Variants in ARHGEF33 observed in about 807,000 individuals in gnomAD.
ARHGEF33 encodes DH and coiled-coil domain-containing protein ENSP00000381780.
A neutral mutation model predicts 101.9 loss-of-function variants in ARHGEF33; 72 were observed. The ratio of observed to expected loss-of-function variants is 0.71; its 90% CI spans 0.58 to 0.86. ARHGEF33 has a LOEUF of 0.86. Ranked by LOEUF, ARHGEF33 falls within the 40% of genes least tolerant of loss-of-function variation. The pLI is 0.00. For missense variants in ARHGEF33, 1,169 were observed against 1,111.3 expected (o/e 1.05, Z -0.74); for synonymous variants, 499 against 442.5 (o/e 1.13, Z -1.60).
At chr2:38,971,346 T>C (rs1668160988) in intron 17 of ARHGEF33, among the ~76,000 whole-genome samples, 1 of 152,242 alleles carries the variant, frequency 6.6e-6, no homozygotes, top group Admixed American at 6.5e-5. Context: ...TGTGTCAGTA[T>C]GTCCTGGCAG....
chr2:38,920,568 C>T (rs1044055716), intron 3 of ARHGEF33, among the ~76,000 whole-genome samples: 6 of 151,874 alleles, frequency 4.0e-5, no homozygotes, highest in African/African-American at 1.5e-4. Context: ...CCACCACAGC[C>T]AGCTAATTTT....
intron 11 of ARHGEF33, among the ~76,000 whole-genome samples, chr2:38,951,369 T>C (rs367684576): frequency 6.6e-5 from 10 of 152,232 alleles, no homozygotes; most frequent in African/African-American, 2.4e-4. Context: ...TTAGGTCTTC[T>C]GACTTCTAGT....
chr2:38,890,640 T>C (rs1013532787), intron 1 of ARHGEF33, among the ~76,000 whole-genome samples: 8 of 152,220 alleles, frequency 5.3e-5, no homozygotes, highest in Non-Finnish European at 1.2e-4. Flanking sequence ...GTATTGGAAT[T>C]ATGTGAGTTT....
At chr2:38,966,490 T>C (rs936287864) in intron 17 of ARHGEF33, among the ~76,000 whole-genome samples, 1 of 152,122 alleles carries the variant, frequency 6.6e-6, no homozygotes, top group Non-Finnish European at 1.5e-5. Flanking sequence ...GGATCCACTA[T>C]TGGGGTTGGG....
intron 8 of ARHGEF33, among the ~76,000 whole-genome samples, chr2:38,936,092 A>G (rs567595513): frequency 1.3e-5 from 2 of 152,350 alleles, no homozygotes; most frequent in East Asian, 3.9e-4. Flanking sequence ...TCAATGACTA[A>G]TAAATTCACA....
At position 38,960,426 on chromosome 2, in the gene ARHGEF33, C is replaced by G; in HGVS notation, c.2121C>G (p.Arg707=). ...ACGGCAAGGCCAAGCCGCTGAGCCG[C>G]TCTCTCAAAGAGTTCCCGCGTGCGC... The part of the protein sequence containing the change: ...QAHGKAKPLS[R]SLKEFPRAPP... Residue 707 remains arginine, a synonymous_variant, in exon 16 of 18, where the codon CGC becomes CGG. Coordinates refer to ENST00000409978, the MANE Select transcript of ARHGEF33 (RefSeq NM_001145451.5). 2 of 1,515,946 alleles carry G rather than the reference C, an allele frequency of 1.3e-6. No homozygotes were observed. Among genetic ancestry groups the G allele is most frequent in the Admixed American group, 2.0e-5 (1 of 49,266 alleles). 93.9% of individuals were successfully genotyped at this position (1,515,946 alleles called of 1,614,324 possible). A position where few individuals can be genotyped will look rare whatever the true frequency, so the allele number is the denominator to read the frequency against.
At chr2:38,931,399 C>G in intron 7 of ARHGEF33, 148 bp downstream of exon 7, 1 of 712,080 alleles carries the variant, frequency 1.4e-6, no homozygotes, top group East Asian at 2.8e-5. Flanking sequence ...CAGAAGAATC[C>G]AGAGGATCTA....
In ARHGEF33 at chr2:38,965,170, T is replaced by C. The variant is rs1373098321; in HGVS notation, c.2344-836T>C. Among the ~76,000 whole-genome samples, 8 of 152,356 alleles carry C rather than the reference T, an allele frequency of 5.3e-5. 1 individual carries two copies. Among genetic ancestry groups the C allele is most frequent in the African/African-American group, 1.9e-4 (8 of 41,594 alleles). ...TTTGCTTTGACTTCTTGGGGTTCTC[T>C]AAAGGTTATTCAAAATTCAGCAGCT... is the stretch of plus-strand genomic sequence containing the variant. On this transcript the variant is annotated intron_variant, in intron 16 of 17. Transcript: ENST00000409978.
In ARHGEF33 at chr2:38,889,930, T is replaced by C; in HGVS notation, c.-215T>C. ...TTCTTTTTATAACCTTTAAGTTAAT[T>C]CAGAACCCAGATAAGCCTTGATCTG... On this transcript the variant is annotated 5_prime_UTR_variant, in exon 1 of 18. Transcript: ENST00000409978. 4.2e-6 allele frequency: 2 copies of C among 471,028 alleles called. No homozygotes were observed. The highest frequency in any genetic ancestry group is 3.1e-5 in the South Asian group (2 of 64,544). The allele number at this position is 471,028 out of a possible 1,614,324, so 29.2% of individuals were successfully genotyped here. A position where few individuals can be genotyped will look rare whatever the true frequency, so the allele number is the denominator to read the frequency against.
At chr2:38,958,269 AG>A in intron 15 of ARHGEF33, 71 bp downstream of exon 15, 1 of 1,516,714 alleles carries the variant, frequency 6.6e-7, no homozygotes, top group Non-Finnish European at 8.9e-7. Context: ...GCGGGTTAGC[AG>A]GGCAGCCTAG....
rs777189919 is a variant in ARHGEF33 at position 38,960,191 on chromosome 2, A to G, written c.1886A>G (p.Tyr629Cys). 1.3e-6 allele frequency: 2 copies of G among 1,544,148 alleles called. No homozygotes were observed. The highest frequency in any genetic ancestry group is 1.7e-6 in the Non-Finnish European group (2 of 1,144,430). The change falls in exon 16 of 18, where the codon TAC (tyrosine) becomes TGC (cysteine). Residue 629 changes from tyrosine to cysteine, a missense_variant. Physicochemically the swap from Tyr to Cys is radical, Grantham distance 194. Coordinates refer to ENST00000409978, the MANE Select transcript of ARHGEF33 (RefSeq NM_001145451.5). ...GAGATCTTCGCGCTGCCCGCGCCCT[A>G]CGACGAGGAGCCGTTCCAGGCTCCG... ...GGEIFALPAP[Y>C]DEEPFQAPAL...
intron 15 of ARHGEF33, chr2:38,959,570 G>A (rs544233514): frequency 5.2e-5 from 19 of 368,328 alleles, no homozygotes; most frequent in Admixed American, 2.1e-4. Context: ...GAGGGTCAGG[G>A]CTTCCACGCG....
rs1397754156 is a variant in ARHGEF33, at chr2:38,960,398, C to T, written c.2093C>T (p.Ala698Val). The T allele has an allele frequency of 6.6e-7, 1 of 1,509,728 alleles. No homozygotes were observed. Among genetic ancestry groups the T allele is most frequent in the Non-Finnish European group, 8.8e-7 (1 of 1,135,342 alleles). 93.5% of individuals were successfully genotyped at this position (1,509,728 alleles called of 1,614,324 possible). A position where few individuals can be genotyped will look rare whatever the true frequency, so the allele number is the denominator to read the frequency against. Residue 698 changes from alanine to valine, a missense_variant, in exon 16 of 18, where the codon GCG becomes GTG. By Grantham distance (64) the Ala-to-Val change is moderately conservative. Transcript: ENST00000409978. Reference protein sequence around the residue: ...SAYKLEAAAQAHGKAKPLSRS... With the variant: ...SAYKLEAAAQVHGKAKPLSRS... ...TACAAACTGGAGGCGGCGGCGCAGG[C>T]GCACGGCAAGGCCAAGCCGCTGAGC... is the stretch of plus-strand genomic sequence containing the variant.
intron 4 of ARHGEF33, among the ~76,000 whole-genome samples, chr2:38,928,043 C>T (rs184091697): frequency 8.6e-4 from 131 of 152,226 alleles, no homozygotes; most frequent in Middle Eastern, 3.4e-3. Context: ...GGCAGCTTAC[C>T]TACATTTACT....
intron 9 of ARHGEF33, among the ~76,000 whole-genome samples, chr2:38,939,802 C>T (rs148341517): frequency 4.2e-4 from 64 of 152,252 alleles, no homozygotes; most frequent in African/African-American, 1.4e-3. Flanking sequence ...AGGTGTGCAC[C>T]ACTGCACCCA....
intron 1 of ARHGEF33, among the ~76,000 whole-genome samples, chr2:38,890,829 T>C (rs1308889257): frequency 6.6e-6 from 1 of 152,324 alleles, no homozygotes; most frequent in African/African-American, 2.4e-5. Context: ...AAAAAGTTTT[T>C]GATGCACATT....
rs1665957976 is a variant in ARHGEF33 at position 38,889,914 on chromosome 2, T to G, written c.-231T>G. On this transcript the variant is annotated 5_prime_UTR_variant, in exon 1 of 18. Coordinates refer to ENST00000409978, the MANE Select transcript of ARHGEF33 (RefSeq NM_001145451.5). The stretch of plus-strand genomic sequence containing the variant: ...CAAGCCTCTCTACTGCTTCTTTTTA[T>G]AACCTTTAAGTTAATTCAGAACCCA... 1 of 471,078 alleles carries G rather than the reference T, an allele frequency of 2.1e-6. No homozygotes were observed. The highest frequency in any genetic ancestry group is 4.4e-6 in the Non-Finnish European group (1 of 226,980). The allele number at this position is 471,078 out of a possible 1,614,324, so 29.2% of individuals were successfully genotyped here. A position where few individuals can be genotyped will look rare whatever the true frequency, so the allele number is the denominator to read the frequency against.
chr2:38,903,452 G>A (rs1666295411), intron 2 of ARHGEF33, among the ~76,000 whole-genome samples: 1 of 151,660 alleles, frequency 6.6e-6, no homozygotes, highest in African/African-American at 2.4e-5. Flanking sequence ...GCATCTACTG[G>A]CTCATTCAAA....
At chr2:38,930,641 C>A (rs889135349) in intron 6 of ARHGEF33, among the ~76,000 whole-genome samples, 2 of 152,194 alleles carry the variant, frequency 1.3e-5, no homozygotes, top group South Asian at 4.1e-4. Flanking sequence ...CCACAGTGCT[C>A]AACTTACTTA....
Sources: allele counts gnomAD v4.1 joint callset (sites outside exome capture counted in the v4.1 genomes callset), GRCh38; gene constraint gnomAD v4.1.1; transcripts MANE v1.5; gene names NCBI Gene and HGNC (gene_info 2026-07-23, HGNC 2026-07-21).